IL17REL: variants seen among roughly 807,000 people sequenced by gnomAD.
IL17REL encodes interleukin 17 receptor E like, also known as interleukin-17 receptor E-like protein.
IL17REL carries 36 observed loss-of-function variants against 49.0 expected under a neutral mutation model. The observed-to-expected ratio is 0.73, with a 90% CI of 0.56 to 0.97. The LOEUF is 0.97. IL17REL is among the 50% of genes least tolerant of loss of function. IL17REL has a pLI of 0.00. For synonymous variants in IL17REL, 206 were observed against 192.4 expected, an observed-to-expected ratio of 1.07 and a Z score of -0.58; for missense variants, 470 against 453.9, an observed-to-expected ratio of 1.04 and a Z score of -0.32.
chr22:49,995,142 C>G (rs1310791654), exon 13 of IL17REL: 2 of 152,432 alleles, frequency 1.3e-5, no homozygotes, highest in Non-Finnish European at 2.9e-5. Flanking sequence ...TGGGGTGATC[C>G]TTGACCACCT....
intron 4 of IL17REL, 87 bp downstream of exon 6, chr22:50,000,109 T>A (rs1201735370): frequency 2.0e-6 from 2 of 988,566 alleles, no homozygotes; most frequent in Non-Finnish European, 2.8e-6. Flanking sequence ...CCTCAGGATT[T>A]CCCAAATGGG....
intron 7 of IL17REL, 31 bp from the exon 10 acceptor site, chr22:49,998,340 G>T (rs751597318): frequency 1.9e-6 from 3 of 1,571,872 alleles, no homozygotes; most frequent in African/African-American, 1.4e-5. Context: ...ACACAGGTCA[G>T]TTGGGCCCTA....
chr22:50,006,649 G>A (rs2061111914), intron 1 of IL17REL, among the ~76,000 whole-genome samples: 1 of 152,024 alleles, frequency 6.6e-6, no homozygotes, highest in Non-Finnish European at 1.5e-5. Context: ...AAATACAACG[G>A]GTGATTTTTA....
chr22:50,001,849 A>T (rs2061081888), intron 1 of IL17REL, among the ~76,000 whole-genome samples: 1 of 152,238 alleles, frequency 6.6e-6, no homozygotes, highest in African/African-American at 2.4e-5. Flanking sequence ...CGTGAGCCAC[A>T]GAGCCTGGCA....
chr22:50,010,996 C>A (rs2061138051), upstream of IL17REL, among the ~76,000 whole-genome samples: 1 of 130,434 alleles, frequency 7.7e-6, no homozygotes, highest in African/African-American at 3.1e-5. Flanking sequence ...CGCCGTCACC[C>A]GCGCGGGTCC....
intron 1 of IL17REL, among the ~76,000 whole-genome samples, chr22:50,004,687 C>T (rs2061098979): frequency 6.6e-6 from 1 of 151,832 alleles, no homozygotes; most frequent in South Asian, 2.1e-4. Context: ...ATGGTGAAAC[C>T]CTGTCTCTAC....
chr22:50,011,676 C>CCAGCCTG (rs2061142231), upstream of IL17REL, among the ~76,000 whole-genome samples: 1 of 152,130 alleles, frequency 6.6e-6, no homozygotes, highest in Non-Finnish European at 1.5e-5. Flanking sequence ...CCACCGGTTC[C>CCAGCCTG]CACGCATCCC....
chr22:50,001,063 C>T lies in IL17REL; in HGVS notation c.109+19G>A. ...TGGACCTGCGGGTGTTAACTCCCACCCTCGAGGCCACCTCTCACCATGCAG... is the reference window on the plus strand; with the variant it reads ...TGGACCTGCGGGTGTTAACTCCCACTCTCGAGGCCACCTCTCACCATGCAG... On this transcript the variant is annotated intron_variant, in intron 2 of 12. Transcript: ENST00000341280. 6.5e-7 allele frequency: 1 copy of T among 1,549,588 alleles called. No individual in the cohort carries two copies.
chr22:50,005,530 G>T (rs776721798), intron 1 of IL17REL, among the ~76,000 whole-genome samples: 16 of 152,098 alleles, frequency 1.1e-4, no homozygotes, highest in Non-Finnish European at 2.2e-4. Context: ...GGCCGGGCGC[G>T]GTGGCTCACG....
At chr22:49,996,929 G>T in intron 12 of IL17REL, 65 bp downstream of exon 14, 2 of 766,308 alleles carry the variant, frequency 2.6e-6, no homozygotes, top group South Asian at 1.9e-5. Flanking sequence ...TGGGAAGGGG[G>T]GGTGTGAACT....
upstream of IL17REL, among the ~76,000 whole-genome samples, chr22:50,010,770 C>CGGGGAAGGTGG (rs1431215106): frequency 3.2e-4 from 44 of 135,810 alleles, no homozygotes; most frequent in African/African-American, 1.3e-3. Flanking sequence ...CCCCACGGCA[C>CGGGGAAGGTGG]GGGGAGCGGG....
chr22:50,004,318 A>T (rs2061096230), intron 1 of IL17REL, among the ~76,000 whole-genome samples: 1 of 152,166 alleles, frequency 6.6e-6, no homozygotes, highest in Non-Finnish European at 1.5e-5. Context: ...ACGGCAAGTG[A>T]TCCACCTGCC....
rs1045643579 is a variant in IL17REL, at chr22:50,002,029, T to C, written c.-41-798A>G. Among the ~76,000 whole-genome samples the C allele has an allele frequency of 5.9e-5, 9 of 151,444 alleles. No individual in the cohort carries two copies. The East Asian group carries it at 1.2e-3, about 20-fold the overall frequency. ...AGTAAGGAATGAGGGTAACTGGGGG[T>C]GAAGGGAGAAGCAAAAGAACAGCAG... is the stretch of plus-strand genomic sequence containing the variant. On this transcript the variant is annotated intron_variant, in intron 1 of 12. Coordinates refer to ENST00000341280, the Ensembl canonical transcript of IL17REL.
At chr22:50,004,970 TAAAAAAA>T (rs11455056) in intron 1 of IL17REL, among the ~76,000 whole-genome samples, 1 of 51,968 alleles carries the variant, frequency 1.9e-5, no homozygotes, top group Non-Finnish European at 4.4e-5. Context: ...AACCAGAAAG[TAAAAAAA>T]AAAAAAAAAA....
chr22:50,012,066 C>T (rs913497257), upstream of IL17REL, among the ~76,000 whole-genome samples: 3 of 128,216 alleles, frequency 2.3e-5, no homozygotes, highest in East Asian at 4.9e-4. Flanking sequence ...ATGAAGCGCC[C>T]TCTCCTGTAA....
chr22:50,011,083 G>A (rs1366222610), upstream of IL17REL, among the ~76,000 whole-genome samples: 1 of 123,246 alleles, frequency 8.1e-6, no homozygotes. Context: ...GCGCCCCCTC[G>A]CAACCACCGC....
downstream of IL17REL, among the ~76,000 whole-genome samples, chr22:49,992,619 T>C (rs557694321): frequency 6.6e-6 from 1 of 151,792 alleles, no homozygotes; most frequent in African/African-American, 2.4e-5. Flanking sequence ...CATTTTAATT[T>C]TTAGTTTATT....
intron 1 of IL17REL, among the ~76,000 whole-genome samples, chr22:50,001,819 G>C (rs1023774005): frequency 1.1e-4 from 16 of 152,216 alleles, no homozygotes; most frequent in African/African-American, 2.4e-5. Context: ...TTTGCAGGTG[G>C]GACTCAGAGC....
exon 5 of IL17REL, chr22:49,999,833 C>T (rs1055468401): frequency 2.0e-5 from 31 of 1,514,730 alleles, no homozygotes; most frequent in Non-Finnish European, 2.6e-5. Flanking sequence ...CTCACTCGCA[C>T]AGGGGCGCCG....
Sources: allele counts gnomAD v4.1 joint callset (sites outside exome capture counted in the v4.1 genomes callset), GRCh38; gene constraint gnomAD v4.1.1; transcripts MANE v1.5; gene names NCBI Gene and HGNC (gene_info 2026-07-23, HGNC 2026-07-21).